The following NELL1 variants were observed in gnomAD, a reference collection of about 807,000 sequenced individuals.
NELL1 encodes the protein neural EGFL like 1, also known as protein kinase C-binding protein NELL1.
A neutral mutation model predicts 107.4 loss-of-function variants in NELL1; 76 were observed. The observed-to-expected ratio is 0.71, with a 90% CI of 0.59 to 0.86. The LOEUF (loss-of-function observed/expected upper bound fraction) is 0.86. NELL1 is among the 40% of genes least tolerant of loss of function. NELL1 has a pLI of 0.00. For synonymous variants in NELL1, 353 were observed against 341.2 expected, an observed-to-expected ratio of 1.03 and a Z score of -0.38; for missense variants, 1,024 against 1,005.5, an observed-to-expected ratio of 1.02 and a Z score of -0.25.
At chr11:21,533,865 T>C (rs886719111) in intron 15 of NELL1, among the ~76,000 whole-genome samples, 1 of 152,192 alleles carries the variant, frequency 6.6e-6, no homozygotes, top group African/African-American at 2.4e-5. Context: ...CAGTGTGTAT[T>C]ATCAATCTTA....
intron 15 of NELL1, among the ~76,000 whole-genome samples, chr11:21,503,086 G>T (rs935939056): frequency 6.6e-6 from 1 of 152,016 alleles, no homozygotes; most frequent in African/African-American, 2.4e-5. Context: ...TCTCCATGTT[G>T]GTCAGGCTGG....
intron 12 of NELL1, among the ~76,000 whole-genome samples, chr11:20,998,076 T>C (rs1165683607): frequency 6.6e-6 from 1 of 152,228 alleles, no homozygotes; most frequent in Non-Finnish European, 1.5e-5. Context: ...ATTATATTTC[T>C]TGTTACAATC....
intron 2 of NELL1, among the ~76,000 whole-genome samples, chr11:20,752,768 A>G (rs965015834): frequency 1.3e-5 from 2 of 152,198 alleles, no homozygotes; most frequent in South Asian, 4.1e-4. Flanking sequence ...TTCTCTGTAA[A>G]ATAAAGTTAT....
chr11:20,694,958 A>G (rs1447992714), intron 2 of NELL1, among the ~76,000 whole-genome samples: 4 of 151,954 alleles, frequency 2.6e-5, no homozygotes, highest in East Asian at 1.9e-4. Flanking sequence ...TGTGTCATCT[A>G]TAGTTTCCTT....
chr11:21,546,085 C>T (rs1290360365), intron 16 of NELL1, among the ~76,000 whole-genome samples: 1 of 151,930 alleles, frequency 6.6e-6, no homozygotes, highest in African/African-American at 2.4e-5. Context: ...GAAATGGAAC[C>T]ATAGTTTTTC....
chr11:20,944,686 A>G (rs1001980147), intron 10 of NELL1, among the ~76,000 whole-genome samples: 3 of 152,238 alleles, frequency 2.0e-5, no homozygotes, highest in African/African-American at 7.2e-5. Flanking sequence ...AAATAAAGCT[A>G]TAAAAGGTTT....
At chr11:21,373,162 C>A (rs1851395032) in intron 15 of NELL1, among the ~76,000 whole-genome samples, 1 of 151,934 alleles carries the variant, frequency 6.6e-6, no homozygotes, top group South Asian at 2.1e-4. Flanking sequence ...TTAATATTGG[C>A]CAATACTCAA....
intron 2 of NELL1, among the ~76,000 whole-genome samples, chr11:20,732,464 A>G (rs1855668823): frequency 6.6e-6 from 1 of 152,092 alleles, no homozygotes; most frequent in African/African-American, 2.4e-5. Flanking sequence ...CTAGCTGGGG[A>G]GGAAATACAG....
chr11:21,366,414 T>C (rs559963116), intron 14 of NELL1, among the ~76,000 whole-genome samples: 1 of 152,148 alleles, frequency 6.6e-6, no homozygotes, highest in Non-Finnish European at 1.5e-5. Flanking sequence ...TCAAATTAAT[T>C]ATAACCTTTG....
intron 2 of NELL1, among the ~76,000 whole-genome samples, chr11:20,770,524 CAT>C (rs1308617739): frequency 6.6e-6 from 1 of 152,194 alleles, no homozygotes; most frequent in Non-Finnish European, 1.5e-5. Flanking sequence ...CTGATAATTG[CAT>C]AGTTTCCCCA....
At chr11:21,466,454 T>G (rs1469353132) in intron 15 of NELL1, among the ~76,000 whole-genome samples, 1 of 152,174 alleles carries the variant, frequency 6.6e-6, no homozygotes, top group Non-Finnish European at 1.5e-5. Flanking sequence ...ATTAGCAGTG[T>G]GCTCACCCAG....
In NELL1 at chr11:20,703,292, G is replaced by T. The variant is rs138499400; in HGVS notation, c.184+25232G>T. On this transcript the variant is annotated intron_variant, in intron 2 of 19. Coordinates refer to ENST00000357134, the MANE Select transcript of NELL1 (RefSeq NM_006157.5). ...GATTTTCTAGTTCATTTATGTAGAG[G>T]TGTTTATAGTATTCTCTGATGGTAG... is the stretch of plus-strand genomic sequence containing the variant. 8.5e-3 allele frequency among the ~76,000 whole-genome samples: 1,300 copies of T among 152,254 alleles called. 14 individuals are homozygous for T. Among genetic ancestry groups the T allele is most frequent in the African/African-American group, 0.029 (1,222 of 41,550 alleles).
intron 5 of NELL1, among the ~76,000 whole-genome samples, chr11:20,901,568 T>TA (rs1849874816): frequency 6.6e-6 from 1 of 151,482 alleles, no homozygotes; most frequent in South Asian, 2.1e-4. Context: ...AGGATTTTTT[T>TA]TTTTTTCCTG....
chr11:21,280,056 G>T (rs1055139300), intron 14 of NELL1, among the ~76,000 whole-genome samples: 3 of 152,154 alleles, frequency 2.0e-5, no homozygotes, highest in Non-Finnish European at 4.4e-5. Context: ...GAGGTTGGGG[G>T]AAGGGAGAGA....
intron 12 of NELL1, among the ~76,000 whole-genome samples, chr11:21,055,713 G>A (rs1853598682): frequency 6.6e-6 from 1 of 152,132 alleles, no homozygotes; most frequent in Admixed American, 6.6e-5. Context: ...ACATGGCCAA[G>A]GTGGGAGAGG....
chr11:20,765,161 TA>T (rs11342033), intron 2 of NELL1, among the ~76,000 whole-genome samples: 9,375 of 140,084 alleles, frequency 0.067, 969 homozygotes, highest in African/African-American at 0.22. Flanking sequence ...CTGTCTTTGT[TA>T]AAAAAAAAAA....
intron 12 of NELL1, among the ~76,000 whole-genome samples, chr11:20,976,047 T>C (rs1355132442): frequency 6.9e-6 from 1 of 145,648 alleles, no homozygotes; most frequent in Admixed American, 7.0e-5. Flanking sequence ...ACATTACATT[T>C]ATATATACAT....
chr11:20,704,459 A>G (rs1854885568), intron 2 of NELL1, among the ~76,000 whole-genome samples: 1 of 152,028 alleles, frequency 6.6e-6, no homozygotes, highest in Non-Finnish European at 1.5e-5. Flanking sequence ...TCTTTATCCA[A>G]TTTGCCAGTC....
chr11:20,719,533 C>T (rs1020492004), intron 2 of NELL1, among the ~76,000 whole-genome samples: 7 of 152,258 alleles, frequency 4.6e-5, no homozygotes, highest in South Asian at 4.1e-4. Flanking sequence ...ACAGACATTA[C>T]AAGGATCCTT....
Sources: allele counts gnomAD v4.1 joint callset (sites outside exome capture counted in the v4.1 genomes callset), GRCh38; gene constraint gnomAD v4.1.1; transcripts MANE v1.5; gene names NCBI Gene and HGNC (gene_info 2026-07-23, HGNC 2026-07-21).